FTCD: variants seen among roughly 807,000 people sequenced by gnomAD.
The protein encoded by FTCD is formimidoyltransferase cyclodeaminase.
Under a neutral mutation model 62.9 loss-of-function variants are expected in FTCD, and 76 were observed. That is an observed-to-expected ratio of 1.21 (90% CI 1.00 to 1.46). FTCD has a LOEUF of 1.46. FTCD is among the 40% of genes most tolerant of loss of function. FTCD has a pLI of 0.00. For synonymous variants in FTCD, 397 were observed against 336.9 expected, an observed-to-expected ratio of 1.18 and a Z score of -1.95; for missense variants, 845 against 751.3, an observed-to-expected ratio of 1.12 and a Z score of -1.46.
In FTCD at chr21:46,154,293, C is replaced by A. The variant is rs573745632; in HGVS notation, c.94G>T (p.Gly32Cys). 891 of 1,611,916 alleles carry A rather than the reference C, an allele frequency of 5.5e-4. 12 individuals are homozygous for A. In the South Asian group the frequency reaches 9.4e-3, roughly 17 times the overall value. Residue 32 changes from glycine (G) to cysteine (C), a missense_variant, in exon 2 of 14, where the codon GGC (glycine) becomes TGC (cysteine). Transcript: ENST00000397746. ...GCGTCCACATCCAGCAGCACGCAGCCCGGGGTCTGTGTGATGGCTCCAGAG... is the reference window on the plus strand; with the variant it reads ...GCGTCCACATCCAGCAGCACGCAGCACGGGGTCTGTGTGATGGCTCCAGAG... ...AISGAITQTP[G>C]CVLLDVDAGP...
chr21:46,154,654 A>G (rs2079387996), intron 1 of FTCD, among the ~76,000 whole-genome samples: 1 of 152,232 alleles, frequency 6.6e-6, no homozygotes, highest in Non-Finnish European at 1.5e-5. Context: ...AGGTGACCAC[A>G]GGCGCAGGTC....
chr21:46,145,336 C>G, intron 10 of FTCD, 81 bp downstream of exon 10: 1 of 1,214,826 alleles, frequency 8.2e-7, no homozygotes, highest in African/African-American at 1.5e-5. Flanking sequence ...CAGCCGGAGG[C>G]TGACCCGCTT....
chr21:46,151,012 G>A (rs2079259160), intron 5 of FTCD, among the ~76,000 whole-genome samples: 1 of 152,254 alleles, frequency 6.6e-6, no homozygotes, highest in South Asian at 2.1e-4. Flanking sequence ...TGCAGGTCGG[G>A]AAGCCGGGTC....
intron 10 of FTCD, among the ~76,000 whole-genome samples, chr21:46,144,891 G>C (rs1367704790): frequency 3.3e-5 from 5 of 150,984 alleles, no homozygotes; most frequent in African/African-American, 1.2e-4. Context: ...CCTGCCAGCT[G>C]ATGCTCATGT....
Position 46,151,607 on chromosome 21 carries a change from G to A in FTCD, c.587C>T (p.Ala196Val). The A allele has an allele frequency of 1.2e-6, 2 of 1,613,040 alleles. No homozygotes were observed. The highest frequency in any genetic ancestry group is 1.7e-6 in the Non-Finnish European group (2 of 1,179,954). Residue 196 changes from alanine to valine, a missense_variant, in exon 5 of 14, where the codon GCC becomes GTC. By Grantham distance (64) the Ala-to-Val change is moderately conservative. Transcript: ENST00000397746. ...CCGCAGGTTGAGCGCGATGCGGTGG[G>A]CTTGCTCCTTTGTGCCGAGCAGGTT... ...NINLLGTKEQ[A>V]HRIALNLREQ...
chr21:46,145,637 A>T, intron 9 of FTCD, 59 bp from the exon 10 acceptor site: 2 of 1,333,690 alleles, frequency 1.5e-6, no homozygotes, highest in Non-Finnish European at 2.0e-6. Context: ...GACCGACCCC[A>T]GGAAGAGCCA....
chr21:46,143,564 C>G (rs1004915052), intron 10 of FTCD, among the ~76,000 whole-genome samples: 8 of 152,168 alleles, frequency 5.3e-5, no homozygotes, highest in Non-Finnish European at 1.2e-4. Flanking sequence ...AATCTTTGCT[C>G]TGCAATCATA....
At chr21:46,147,251 G>A (rs1198622786) in intron 7 of FTCD, among the ~76,000 whole-genome samples, 3 of 151,386 alleles carry the variant, frequency 2.0e-5, no homozygotes, top group East Asian at 1.9e-4. Flanking sequence ...AACAGTTGAG[G>A]TACTTCCCAG....
chr21:46,154,124 C>G lies in FTCD; in HGVS notation c.238+25G>C. On this transcript the variant is annotated intron_variant, in intron 2 of 13. Coordinates refer to ENST00000397746, the MANE Select transcript of FTCD (RefSeq NM_206965.2). ...GCCCTGACATTCTGAGACACGGCAG[C>G]CACAGGAGAGCCCAGAGACCTCACC... The G allele has an allele frequency of 1.9e-6, 3 of 1,609,908 alleles. No individual in the cohort carries two copies. In the South Asian group the frequency reaches 3.3e-5, roughly 18 times the overall value.
chr21:46,152,825 G>A (rs2079324772), intron 3 of FTCD, 82 bp downstream of exon 3: 13 of 1,212,082 alleles, frequency 1.1e-5, no homozygotes, highest in Non-Finnish European at 1.4e-5. Flanking sequence ...TCAAGGGCAG[G>A]GAACTGGGGG....
In FTCD at chr21:46,145,849, C is replaced by T. The variant is rs2079134187; in HGVS notation, c.1067G>A (p.Gly356Asp). The stretch of plus-strand genomic sequence containing the variant: ...CGCAGCGGCCGCCGCCACCGAGCCG[C>T]CCCCGGGGGCCGCAGAGCGGGCACC... ...EVGARSAAPG[G>D]GSVAAAAAAM... Residue 356 changes from glycine (G) to aspartate (D), a missense_variant, in exon 9 of 14, where the codon GGC becomes GAC. Gly to Asp is a moderately conservative substitution (Grantham distance 94). Transcript: ENST00000397746. The T allele has an allele frequency of 7.1e-7, 1 of 1,411,438 alleles. No individual in the cohort carries two copies. Among genetic ancestry groups the T allele is most frequent in the Non-Finnish European group, 9.2e-7 (1 of 1,086,210 alleles). The allele number at this position is 1,411,438 out of a possible 1,614,324, so 87.4% of individuals were successfully genotyped here. A position where few individuals can be genotyped will look rare whatever the true frequency, so the allele number is the denominator to read the frequency against.
intron 9 of FTCD, 30 bp from the exon 10 acceptor site, chr21:46,145,608 G>A (rs1294437419): frequency 6.6e-6 from 10 of 1,516,758 alleles, no homozygotes; most frequent in East Asian, 2.5e-5. Context: ...GGGGGTCGCA[G>A]GGACCCCAGA....
At chr21:46,139,694 C>T (rs2123487491) in intron 10 of FTCD, among the ~76,000 whole-genome samples, 1 of 152,372 alleles carries the variant, frequency 6.6e-6, no homozygotes, top group East Asian at 1.9e-4. Flanking sequence ...TTTGACCATT[C>T]CGACAGCAGT....
Position 46,137,250 on chromosome 21 carries a change from A to G in FTCD, c.1528T>C (p.Phe510Leu). The stretch of plus-strand genomic sequence containing the variant: ...TGCCTCCTGCTCACCTGGTCCTTAA[A>G]TGCCTCGTCTGTGATGTCCCTCAGG... ...INLRDITDEA[F>L]KDQIHHRVSS... is the part of the protein sequence containing the mutation. The change falls in exon 13 of 14, where the codon TTT becomes CTT. Residue 510 changes from phenylalanine to leucine, a missense_variant. Coordinates refer to ENST00000397746, the MANE Select transcript of FTCD (RefSeq NM_206965.2). 1 of 1,612,366 alleles carries G rather than the reference A, an allele frequency of 6.2e-7. No homozygotes were observed. Among genetic ancestry groups the G allele is most frequent in the Non-Finnish European group, 8.5e-7 (1 of 1,178,600 alleles).
intron 3 of FTCD, 21 bp downstream of exon 3, chr21:46,152,886 G>A (rs751128321): frequency 9.0e-6 from 14 of 1,562,398 alleles, no homozygotes; most frequent in East Asian, 2.3e-5. Context: ...CAGAGTGAGG[G>A]GGGCGGGGGG....
rs766861300 is a variant in FTCD at position 46,136,981 on chromosome 21, GCACCGT to G, written c.1626_*5del. On this transcript the variant is annotated stop_lost and 3_prime_UTR_variant, in exon 14 of 14. Transcript: ENST00000397746. ...GCCACAGAGCCCGGAGAGGCCTCCC[GCACCGT>G]CACTCCTGCCGGGTCTCCAAGCAGT... 3.0e-5 allele frequency: 49 copies of G among 1,612,942 alleles called. No homozygotes were observed. In the East Asian group the frequency reaches 1.1e-3, roughly 36 times the overall value.
intron 2 of FTCD, 98 bp from the exon 3 acceptor site, chr21:46,153,133 G>A: frequency 1.5e-6 from 2 of 1,307,190 alleles, no homozygotes; most frequent in Non-Finnish European, 2.1e-6. Context: ...GGCCTGGGCA[G>A]CCCCCAGTCC....
chr21:46,148,767 T>C (rs1395185428), intron 7 of FTCD, among the ~76,000 whole-genome samples: 1 of 152,082 alleles, frequency 6.6e-6, no homozygotes, highest in Non-Finnish European at 1.5e-5. Flanking sequence ...ACAGGAACAG[T>C]TGGAAGAAAG....
chr21:46,142,712 T>G (rs2079048764), intron 10 of FTCD: 1 of 152,276 alleles, frequency 6.6e-6, no homozygotes, highest in East Asian at 1.9e-4. Context: ...GGTTGGCGCT[T>G]GCTGGTTTCG....
Sources: allele counts gnomAD v4.1 joint callset (sites outside exome capture counted in the v4.1 genomes callset), GRCh38; gene constraint gnomAD v4.1.1; transcripts MANE v1.5; gene names NCBI Gene and HGNC (gene_info 2026-07-23, HGNC 2026-07-21).